The following CTNNA3 variants were observed in gnomAD, a reference collection of about 807,000 sequenced individuals.
CTNNA3 encodes the protein catenin alpha 3.
CTNNA3 carries 76 observed loss-of-function variants against 95.7 expected under a neutral mutation model. The ratio of observed to expected loss-of-function variants is 0.79; its 90% CI spans 0.66 to 0.96. The LOEUF is 0.96. Ranked by LOEUF, CTNNA3 falls within the 40% of genes least tolerant of loss-of-function variation. CTNNA3 has a pLI of 0.00. For synonymous variants in CTNNA3, 431 were observed against 374.4 expected, an observed-to-expected ratio of 1.15 and a Z score of -1.74; for missense variants, 1,191 against 1,089.8, an observed-to-expected ratio of 1.09 and a Z score of -1.31.
At chr10:66,344,124 G>A (rs980531530) in intron 12 of CTNNA3, among the ~76,000 whole-genome samples, 4 of 150,790 alleles carry the variant, frequency 2.7e-5, no homozygotes, top group Non-Finnish European at 4.4e-5. Flanking sequence ...CTACTCAGGA[G>A]GCTGAGGCAG....
chr10:66,762,788 G>A (rs965616298), intron 9 of CTNNA3, among the ~76,000 whole-genome samples: 24 of 151,786 alleles, frequency 1.6e-4, no homozygotes, highest in African/African-American at 5.8e-4. Context: ...AAAGTTACAC[G>A]TTAACCATTA....
At chr10:66,264,518 T>C (rs2091098588) in intron 13 of CTNNA3, among the ~76,000 whole-genome samples, 1 of 152,030 alleles carries the variant, frequency 6.6e-6, no homozygotes, top group Non-Finnish European at 1.5e-5. Flanking sequence ...TATATTTGGT[T>C]AAAATATATT....
intron 11 of CTNNA3, among the ~76,000 whole-genome samples, chr10:66,430,563 C>A (rs1313971958): frequency 1.3e-5 from 2 of 152,094 alleles, no homozygotes; most frequent in Non-Finnish European, 2.9e-5. Flanking sequence ...ATATACAGAC[C>A]AATGGAACAG....
At chr10:65,982,695 A>ATGTG (rs368338349) in intron 16 of CTNNA3, among the ~76,000 whole-genome samples, 2 of 147,940 alleles carry the variant, frequency 1.4e-5, no homozygotes, top group African/African-American at 4.9e-5. Flanking sequence ...GTATATATAT[A>ATGTG]TGTGTGTGTG....
chr10:66,301,415 T>C (rs1048846920), intron 12 of CTNNA3, among the ~76,000 whole-genome samples: 1 of 151,908 alleles, frequency 6.6e-6, no homozygotes, highest in South Asian at 2.1e-4. Context: ...AATGCCAAGA[T>C]TTTTAAGAAA....
intron 5 of CTNNA3, among the ~76,000 whole-genome samples, chr10:67,457,327 G>A (rs1589309563): frequency 6.6e-6 from 1 of 152,250 alleles, no homozygotes; most frequent in East Asian, 1.9e-4. Flanking sequence ...AGAAAGTCTT[G>A]AGCCCAGGGC....
intron 7 of CTNNA3, among the ~76,000 whole-genome samples, chr10:67,092,706 G>A (rs1857727470): frequency 1.3e-5 from 2 of 152,040 alleles, no homozygotes; most frequent in Admixed American, 6.6e-5. Context: ...AAGACCATTA[G>A]TAATTAGTTA....
chr10:67,670,654 G>A (rs188313394), intron 1 of CTNNA3, among the ~76,000 whole-genome samples: 8 of 152,170 alleles, frequency 5.3e-5, no homozygotes, highest in Admixed American at 4.6e-4. Context: ...TATCCCCCTG[G>A]GTCTTGGGTG....
chr10:67,725,195 A>G (rs1400286717), intron 1 of CTNNA3, among the ~76,000 whole-genome samples: 1 of 141,674 alleles, frequency 7.1e-6, no homozygotes, highest in African/African-American at 2.7e-5. Context: ...TTTTTTTTTG[A>G]GACGGGAGTC....
intron 1 of CTNNA3, among the ~76,000 whole-genome samples, chr10:67,758,659 T>C (rs766230941): frequency 3.3e-5 from 5 of 152,014 alleles, no homozygotes; most frequent in African/African-American, 4.8e-5. Context: ...ATCAACCCCA[T>C]ATATAGAGCT....
intron 12 of CTNNA3, among the ~76,000 whole-genome samples, chr10:66,362,841 T>G (rs931023005): frequency 3.9e-5 from 6 of 152,206 alleles, no homozygotes; most frequent in African/African-American, 1.4e-4. Flanking sequence ...CAGACTAAGA[T>G]GCTTTCAAAT....
chr10:67,492,667 T>C (rs1838888394), intron 5 of CTNNA3, among the ~76,000 whole-genome samples: 1 of 152,236 alleles, frequency 6.6e-6, no homozygotes, highest in African/African-American at 2.4e-5. Flanking sequence ...AAGGAAGTGA[T>C]ACTTAAGCTG....
At chr10:66,590,431 G>A (rs1412110192) in intron 10 of CTNNA3, among the ~76,000 whole-genome samples, 1 of 152,052 alleles carries the variant, frequency 6.6e-6, no homozygotes, top group Non-Finnish European at 1.5e-5. Context: ...TTCATTTTGA[G>A]ACAAAAGTGA....
chr10:67,232,613 A>G (rs924743115), intron 5 of CTNNA3, among the ~76,000 whole-genome samples: 2 of 152,060 alleles, frequency 1.3e-5, no homozygotes, highest in Non-Finnish European at 2.9e-5. Context: ...TAACGAGCAA[A>G]ATAACCAGCT....
chr10:67,705,530 A>G (rs1841072767), intron 1 of CTNNA3, among the ~76,000 whole-genome samples: 2 of 150,214 alleles, frequency 1.3e-5, no homozygotes, highest in South Asian at 4.3e-4. Context: ...TCGCAAGAAC[A>G]AAAAAACAAA....
At chr10:67,386,307 G>A (rs773648462) in intron 5 of CTNNA3, among the ~76,000 whole-genome samples, 3 of 151,986 alleles carry the variant, frequency 2.0e-5, no homozygotes, top group Admixed American at 2.0e-4. Flanking sequence ...TTTACGTTCG[G>A]TCCTGTTTTC....
At chr10:65,965,429 G>C (rs567420175) in intron 17 of CTNNA3, among the ~76,000 whole-genome samples, 3 of 120,494 alleles carry the variant, frequency 2.5e-5, no homozygotes, top group African/African-American at 1.0e-4. Flanking sequence ...TTTTGAGATG[G>C]AGTCTTGCAT....
chr10:67,564,618 T>A (rs539162603), intron 3 of CTNNA3, among the ~76,000 whole-genome samples: 1 of 138,468 alleles, frequency 7.2e-6, no homozygotes, highest in Non-Finnish European at 1.5e-5. Flanking sequence ...GTTGTGCACA[T>A]GTACCCTAGA....
At chr10:67,520,174 C>T (rs1564711063) in intron 5 of CTNNA3, among the ~76,000 whole-genome samples, 1 of 152,124 alleles carries the variant, frequency 6.6e-6, no homozygotes, top group Non-Finnish European at 1.5e-5. Flanking sequence ...ATACCATGTG[C>T]CATATGCTTT....
Sources: gnomAD v4.1 joint callset for allele counts (sites outside exome capture counted in the v4.1 genomes callset) on GRCh38, gnomAD v4.1.1 for gene constraint, MANE v1.5 for transcripts, NCBI Gene and HGNC (gene_info 2026-07-23, HGNC 2026-07-21) for gene names.